HLCS: variants seen among roughly 807,000 people sequenced by gnomAD.
The protein encoded by HLCS is biotin--protein ligase.
In HLCS, 53 loss-of-function variants were observed where a neutral mutation model predicts 75.0. That is an observed-to-expected ratio of 0.71 (90% CI 0.57 to 0.89). The LOEUF (loss-of-function observed/expected upper bound fraction) is 0.89, where lower values mean the gene tolerates loss of function less well. HLCS is among the 40% of genes least tolerant of loss of function. The pLI is 0.00. For missense variants in HLCS, 966 were observed against 1,074.0 expected, an observed-to-expected ratio of 0.90 and a Z score of 1.41; for synonymous variants, 431 against 428.6, an observed-to-expected ratio of 1.01 and a Z score of -0.07.
Position 36,940,461 on chromosome 21 carries a change from G to A in HLCS, c.331-1467C>T, listed in dbSNP as rs942012666. Among the ~76,000 whole-genome samples, 6 of 152,228 alleles carry A rather than the reference G, an allele frequency of 3.9e-5. No individual in the cohort carries two copies. In the South Asian group the frequency reaches 1.2e-3, roughly 32 times the overall value. ...CGAGTAGCTGGGACAACAGGCTCGG[G>A]CCACCACACTGGGCTTGAATTCTAT... On this transcript the variant is annotated intron_variant, in intron 2 of 10. Coordinates refer to ENST00000674895, the MANE Select transcript of HLCS (RefSeq NM_001352514.2).
chr21:36,888,481 TATATA>T (rs1569149966), intron 6 of HLCS, among the ~76,000 whole-genome samples: 4 of 127,364 alleles, frequency 3.1e-5, no homozygotes, highest in African/African-American at 6.2e-5. Flanking sequence ...TATATATATA[TATATA>T]TATATATATA....
intron 8 of HLCS, among the ~76,000 whole-genome samples, chr21:36,762,462 G>A (rs1247395312): frequency 1.3e-5 from 2 of 152,196 alleles, no homozygotes; most frequent in Non-Finnish European, 2.9e-5. Flanking sequence ...CGGAAGGAAT[G>A]CCTGCATCCC....
chr21:36,942,726 A>G (rs2067205411), intron 2 of HLCS, among the ~76,000 whole-genome samples: 1 of 152,200 alleles, frequency 6.6e-6, no homozygotes, highest in Non-Finnish European at 1.5e-5. Context: ...AAATCATATA[A>G]GAACTCCTAC....
rs765246253 is a variant in HLCS at position 36,937,216 on chromosome 21, T to G, written c.670A>C (p.Arg224=). 1 of 1,614,102 alleles carries G rather than the reference T, an allele frequency of 6.2e-7. No homozygotes were observed. Among genetic ancestry groups the G allele is most frequent in the South Asian group, 1.1e-5 (1 of 91,070 alleles). The change falls in exon 4 of 11, where the codon AGA becomes CGA. Residue 224 remains arginine (R), a synonymous_variant. Coordinates refer to ENST00000674895, the MANE Select transcript of HLCS (RefSeq NM_001352514.2). ...GGCTCACTCCCAGAGGCACTGCCTC[T>G]CCTTTGTTTGGGTTCTTCACCAAGA... ...KALGEEPKQR[R]GSASGSEPAG...
intron 6 of HLCS, among the ~76,000 whole-genome samples, chr21:36,874,414 T>A (rs202229718): frequency 0.16 from 22,895 of 146,602 alleles, 2,079 homozygotes; most frequent in Middle Eastern, 0.25. Flanking sequence ...AAAAATAAAA[T>A]AAAATAAAAT....
chr21:36,847,126 C>G (rs2062825631), intron 6 of HLCS, among the ~76,000 whole-genome samples: 1 of 152,196 alleles, frequency 6.6e-6, no homozygotes, highest in Non-Finnish European at 1.5e-5. Flanking sequence ...GTATCTTTCT[C>G]TTTTGTAATC....
intron 5 of HLCS, among the ~76,000 whole-genome samples, chr21:36,921,599 A>G (rs2066170878): frequency 6.6e-6 from 1 of 152,206 alleles, no homozygotes; most frequent in Non-Finnish European, 1.5e-5. Context: ...CAATGGTCCT[A>G]TGATACGCAT....
In HLCS at chr21:36,771,668, C is replaced by T. The variant is rs1260606494; in HGVS notation, c.1893-4383G>A. Among the ~76,000 whole-genome samples the T allele has an allele frequency of 5.9e-5, 9 of 152,142 alleles. No homozygotes were observed. In the South Asian group the frequency reaches 1.0e-3, roughly 17 times the overall value. On this transcript the variant is annotated intron_variant, in intron 6 of 10. Transcript: ENST00000674895. ...GATTTAATCAGGATGCAAAATCCTA[C>T]AGACAGCGTGAGTCCAATCATGTTT...
In HLCS at chr21:36,842,291, G is replaced by A. The variant is rs2062641341; in HGVS notation, c.1892+54569C>T. Among the ~76,000 whole-genome samples the A allele has an allele frequency of 6.6e-6, 1 of 152,188 alleles. No individual in the cohort carries two copies. Among genetic ancestry groups the A allele is most frequent in the Admixed American group, 6.5e-5 (1 of 15,284 alleles). ...GGACAGTGTTCCCCAAAGGGAGGAT[G>A]CAGATGGGAAGGGACCTGAAGGTGC... On this transcript the variant is annotated intron_variant, in intron 6 of 10. Coordinates refer to ENST00000674895, the MANE Select transcript of HLCS (RefSeq NM_001352514.2). This position sits in a 1 kb window ranked among gnomAD's most constrained non-coding sequence, Gnocchi z 4.2.
chr21:36,836,046 T>C (rs1418195295), intron 6 of HLCS, among the ~76,000 whole-genome samples: 1 of 151,988 alleles, frequency 6.6e-6, no homozygotes, highest in African/African-American at 2.4e-5. Flanking sequence ...CCCACTCCTA[T>C]CCCCAGTGCC....
chr21:36,793,268 G>A (rs982524402), intron 6 of HLCS, among the ~76,000 whole-genome samples: 9 of 150,634 alleles, frequency 6.0e-5, no homozygotes, highest in African/African-American at 9.7e-5. Flanking sequence ...CGGAGGGCTC[G>A]GAGAACACGG....
chr21:36,888,457 T>A (rs1382697409), intron 6 of HLCS, among the ~76,000 whole-genome samples: 1,602 of 15,324 alleles, frequency 0.1, 93 homozygotes, highest in South Asian at 0.25. Context: ...TATATATATA[T>A]ATATATATAT....
At chr21:36,869,347 T>C (rs753135121) in intron 6 of HLCS, among the ~76,000 whole-genome samples, 1 of 152,148 alleles carries the variant, frequency 6.6e-6, no homozygotes, top group Non-Finnish European at 1.5e-5. Flanking sequence ...TTAGCCAGGA[T>C]GATCTCGATC....
intron 6 of HLCS, among the ~76,000 whole-genome samples, chr21:36,820,486 C>T (rs1233995182): frequency 1.3e-5 from 2 of 152,248 alleles, no homozygotes; most frequent in African/African-American, 2.4e-5. Flanking sequence ...CCGGCACCCA[C>T]TCTGATTTCA....
chr21:36,958,680 T>C (rs751873353), intron 2 of HLCS, among the ~76,000 whole-genome samples: 6 of 151,974 alleles, frequency 3.9e-5, no homozygotes, highest in South Asian at 2.1e-4. Flanking sequence ...TCCCAGCTAC[T>C]TGGGAGGGTG....
upstream of HLCS, among the ~76,000 whole-genome samples, chr21:36,971,516 C>T (rs745589911): frequency 6.6e-6 from 1 of 151,966 alleles, no homozygotes; most frequent in Non-Finnish European, 1.5e-5. Context: ...GAAATACACC[C>T]AATTATGAAG....
intron 6 of HLCS, among the ~76,000 whole-genome samples, chr21:36,792,129 C>T (rs55782146): frequency 0.07 from 10,694 of 152,086 alleles, 417 homozygotes; most frequent in Middle Eastern, 0.082. Flanking sequence ...ATCTCAGCAC[C>T]GGGTCCCTAA....
intron 6 of HLCS, among the ~76,000 whole-genome samples, chr21:36,824,966 C>G (rs1381398947): frequency 1.3e-5 from 2 of 152,176 alleles, no homozygotes; most frequent in African/African-American, 2.4e-5. Context: ...GACCTTGTTT[C>G]TTGAGTTTGT....
Position 36,897,121 on chromosome 21 carries a change from T to A in HLCS, c.1631A>T (p.Asp544Val), listed in dbSNP as rs912606876. The A allele has an allele frequency of 6.2e-6, 10 of 1,614,010 alleles. No homozygotes were observed. The Admixed American group carries it at 1.0e-4, about 16-fold the overall frequency. The change falls in exon 6 of 11, where the codon GAT (aspartate) becomes GTT (valine). Residue 544 changes from aspartate to valine, a missense_variant. By Grantham distance (152) the Asp-to-Val change is radical (BLOSUM62 -3). Transcript: ENST00000674895. ...YLLSAAEEIR[D>V]PLMQWLGKHV... Reference sequence around the variant, plus strand: ...TTTCCCAAGCCACTGCATAAGAGGATCCCTGATTTCCTGTGTCATAAAGAA... The same window carrying A: ...TTTCCCAAGCCACTGCATAAGAGGAACCCTGATTTCCTGTGTCATAAAGAA...
Sources: allele counts gnomAD v4.1 joint callset (sites outside exome capture counted in the v4.1 genomes callset), GRCh38; gene constraint gnomAD v4.1.1; non-coding constraint Gnocchi (gnomAD v3.1); transcripts MANE v1.5; gene names NCBI Gene and HGNC (gene_info 2026-07-23, HGNC 2026-07-21).